The following DNAH12 variants were observed in gnomAD, a reference collection of about 807,000 sequenced individuals.
DNAH12 encodes the protein axonemal beta dynein heavy chain 12.
Under a neutral mutation model 371.5 loss-of-function variants are expected in DNAH12, and 285 were observed. The observed-to-expected ratio is 0.77, with a 90% CI of 0.70 to 0.85. The LOEUF (loss-of-function observed/expected upper bound fraction) is 0.85, where lower values mean the gene tolerates loss of function less well. DNAH12 is among the 40% of genes least tolerant of loss of function. The probability of loss-of-function intolerance (pLI) is 0.00; values close to 1 mark genes in which losing one functional copy is unlikely to be tolerated. For missense variants in DNAH12, 3,611 were observed against 3,689.4 expected (o/e 0.98, Z 0.55); for synonymous variants, 1,200 against 1,213.0 (o/e 0.99, Z 0.22).
Position 57,470,573 on chromosome 3 carries a change from T to A in DNAH12, c.1975A>T (p.Ile659Phe), listed in dbSNP as rs1366482545. Residue 659 changes from isoleucine (I) to phenylalanine (F), a missense_variant, in exon 16 of 74, where the codon ATT (isoleucine) becomes TTT (phenylalanine). Ile to Phe is a conservative substitution (Grantham distance 21, BLOSUM62 0). Around this residue, in one of 3 missense-constraint regions of DNAH12, gnomAD observed 1,314 missense variants for 1,398.7 expected, o/e 0.94. Coordinates refer to ENST00000495027, the MANE Select transcript of DNAH12 (RefSeq NM_001366028.2). ...IQESEEAVQF[I>F]NKEEELFKWE... ...TTGAAAAGTTCCTCTTCTTTATTAA[T>A]AAACTGCACTGCTTCTTCAGATTCC... The A allele has an allele frequency of 1.8e-5, 28 of 1,549,552 alleles. No individual in the cohort carries two copies. Among genetic ancestry groups the A allele is most frequent in the Non-Finnish European group, 2.4e-5 (27 of 1,146,580 alleles).
At chr3:57,523,497 G>A (rs1387713587) in intron 4 of DNAH12, 86 bp downstream of exon 4, 2 of 1,091,630 alleles carry the variant, frequency 1.8e-6, no homozygotes, top group Non-Finnish European at 2.6e-6. Flanking sequence ...TCTAGAATGG[G>A]ACTTAGCAGG....
intron 45 of DNAH12, among the ~76,000 whole-genome samples, chr3:57,390,962 A>T (rs975829267): frequency 6.6e-6 from 1 of 152,172 alleles, no homozygotes; most frequent in Non-Finnish European, 1.5e-5. Flanking sequence ...CCAAAGCTCC[A>T]ACTCAACTGC....
Position 57,352,073 on chromosome 3 carries a change from C to G in DNAH12, c.9674+12G>C. On this transcript the variant is annotated intron_variant, in intron 60 of 73. Coordinates refer to ENST00000495027, the MANE Select transcript of DNAH12 (RefSeq NM_001366028.2). ...AAAAATAAATAAATTATGGTAAAAGCAAGTAACTTACAGAAGAAGATTGGC... is the reference window on the plus strand; with the variant it reads ...AAAAATAAATAAATTATGGTAAAAGGAAGTAACTTACAGAAGAAGATTGGC... The G allele has an allele frequency of 6.7e-7, 1 of 1,496,792 alleles. No homozygotes were observed. The highest frequency in any genetic ancestry group is 1.7e-4 in the Middle Eastern group (1 of 5,746). 92.7% of individuals were successfully genotyped at this position (1,496,792 alleles called of 1,614,324 possible).
At chr3:57,448,159 T>A (rs1160860653) in intron 25 of DNAH12, among the ~76,000 whole-genome samples, 1 of 152,230 alleles carries the variant, frequency 6.6e-6, no homozygotes, top group Non-Finnish European at 1.5e-5. Flanking sequence ...ACTTCAAGAA[T>A]GAAGCCGCGG....
At chr3:57,436,049 G>C (rs2065112828) in intron 30 of DNAH12, among the ~76,000 whole-genome samples, 1 of 151,636 alleles carries the variant, frequency 6.6e-6, no homozygotes, top group South Asian at 2.1e-4. Flanking sequence ...AAATGGAAAT[G>C]GAAAGACCTC....
intron 70 of DNAH12, among the ~76,000 whole-genome samples, chr3:57,300,730 G>T (rs929259412): frequency 6.6e-6 from 1 of 152,032 alleles, no homozygotes; most frequent in Non-Finnish European, 1.5e-5. Flanking sequence ...CTTATACAGT[G>T]AAAGAAAGCT....
intron 60 of DNAH12, among the ~76,000 whole-genome samples, chr3:57,342,029 C>T (rs1381347282): frequency 6.6e-6 from 1 of 152,132 alleles, no homozygotes; most frequent in Non-Finnish European, 1.5e-5. Flanking sequence ...ACAGTCTCTT[C>T]AGTAAATGGT....
chr3:57,305,689 C>T (rs943171437), intron 69 of DNAH12, among the ~76,000 whole-genome samples: 6 of 152,248 alleles, frequency 3.9e-5, no homozygotes, highest in South Asian at 2.1e-4. Flanking sequence ...GTCAAAAGGC[C>T]GTCTTATTCT....
At chr3:57,299,798 T>TA (rs11457883) in intron 70 of DNAH12, among the ~76,000 whole-genome samples, 3 of 152,036 alleles carry the variant, frequency 2.0e-5, no homozygotes, top group Admixed American at 6.5e-5. Context: ...CCTCCAGAGC[T>TA]TGAGAAATAA....
At chr3:57,537,638 T>C (rs139620120) in intron 2 of DNAH12, among the ~76,000 whole-genome samples, 1 of 151,862 alleles carries the variant, frequency 6.6e-6, no homozygotes, top group Non-Finnish European at 1.5e-5. Flanking sequence ...GCAGTTTTTT[T>C]AAAAAACCTT....
At chr3:57,426,828 GAAAAAA>G (rs559705189) in intron 34 of DNAH12, among the ~76,000 whole-genome samples, 1 of 92,962 alleles carries the variant, frequency 1.1e-5, no homozygotes, top group Non-Finnish European at 2.2e-5. Context: ...GACTGTCTCA[GAAAAAA>G]AAAAAAAAAA....
chr3:57,349,818 G>T lies in DNAH12; in HGVS notation c.9674+2267C>A, dbSNP rs137904163. ...GATTCTTGCCTCAGCCTCTTGAGTAGCTGGGACTACAGGCATGCGCCACCA... is the reference window on the plus strand; with the variant it reads ...GATTCTTGCCTCAGCCTCTTGAGTATCTGGGACTACAGGCATGCGCCACCA... On this transcript the variant is annotated intron_variant, in intron 60 of 73. Transcript: ENST00000495027. Among the ~76,000 whole-genome samples the T allele has an allele frequency of 5.3e-3, 812 of 152,262 alleles. 10 individuals are homozygous for T. Among genetic ancestry groups the T allele is most frequent in the African/African-American group, 0.019 (787 of 41,556 alleles).
intron 70 of DNAH12, among the ~76,000 whole-genome samples, chr3:57,301,052 G>A (rs1444209489): frequency 6.6e-6 from 1 of 151,958 alleles, no homozygotes; most frequent in Non-Finnish European, 1.5e-5. Flanking sequence ...TGCTTTGGGA[G>A]GCCAAGGTGG....
At position 57,440,889 on chromosome 3, in the gene DNAH12, C is replaced by T. The variant is rs569171106; in HGVS notation, c.4545+3808G>A. Among the ~76,000 whole-genome samples, 6 of 152,234 alleles carry T rather than the reference C, an allele frequency of 3.9e-5. No individual in the cohort carries two copies. In the East Asian group the frequency reaches 1.2e-3, roughly 29 times the overall value. ...CCTGTAGTCCCAGCTACTCAGAAGG[C>T]TGATGTAGGAGGATTGCTTGAGCCC... On this transcript the variant is annotated intron_variant, in intron 29 of 73. Transcript: ENST00000495027.
At chr3:57,509,386 T>C (rs1246481132) in intron 5 of DNAH12, among the ~76,000 whole-genome samples, 174 bp from the exon 6 acceptor site, 1 of 152,194 alleles carries the variant, frequency 6.6e-6, no homozygotes, top group African/African-American at 2.4e-5. Context: ...TTGGCCTTAC[T>C]TGAGAGTTCA....
intron 43 of DNAH12, among the ~76,000 whole-genome samples, chr3:57,402,066 T>C (rs6445872): frequency 0.32 from 48,041 of 152,058 alleles, 8,341 homozygotes; most frequent in South Asian, 0.43. Context: ...ATTTCTAAAT[T>C]TGTAGTTAAT....
In DNAH12 at chr3:57,309,714, T is replaced by C. The variant is rs1264385487; in HGVS notation, c.11037A>G (p.Gly3679=). The C allele has an allele frequency of 1.3e-6, 2 of 1,549,670 alleles. No homozygotes were observed. The highest frequency in any genetic ancestry group is 2.0e-5 in the Admixed American group (1 of 50,638). Residue 3679 remains glycine, a synonymous_variant, in exon 68 of 74, where the codon GGA becomes GGG. Coordinates refer to ENST00000495027, the MANE Select transcript of DNAH12 (RefSeq NM_001366028.2). ...QGGSKQTGAS[G]STDQILLEIT... is the part of the protein sequence containing the mutation. ...TTTCTAACAGAATCTGATCAGTACT[T>C]CCTGAGGCTCCTGTCTGTTTGGAGC...
chr3:57,376,163 CTTCCT>C (rs1276084700), intron 53 of DNAH12, among the ~76,000 whole-genome samples, 198 bp from the exon 54 acceptor site: 1 of 151,736 alleles, frequency 6.6e-6, no homozygotes, highest in Admixed American at 6.6e-5. Context: ...GAATGACAAT[CTTCCT>C]TTCATTATTA....
At chr3:57,517,655 C>T (rs759464949) in intron 4 of DNAH12, among the ~76,000 whole-genome samples, 31 of 152,104 alleles carry the variant, frequency 2.0e-4, no homozygotes, top group Admixed American at 3.9e-4. Context: ...CATTTCATCT[C>T]CTAAAATAAA....
Sources: gnomAD v4.1 joint callset for allele counts (sites outside exome capture counted in the v4.1 genomes callset) on GRCh38, gnomAD v4.1.1 for gene constraint, gnomAD v4.1.1 regional missense constraint, MANE v1.5 for transcripts, NCBI Gene and HGNC (gene_info 2026-07-23, HGNC 2026-07-21) for gene names.